The following CCDC167 variants were observed in gnomAD, a reference collection of about 807,000 sequenced individuals.
CCDC167 encodes the protein coiled-coil domain containing 167.
Under a neutral mutation model 12.7 loss-of-function variants are expected in CCDC167, and 15 were observed. The observed-to-expected ratio is 1.18, with a 90% confidence interval of 0.79 to 1.81. The LOEUF is 1.81. Ranked by LOEUF, CCDC167 falls within the 40% of genes most tolerant of loss-of-function variation. The probability of loss-of-function intolerance (pLI) is 0.00; values close to 1 mark genes in which losing one functional copy is unlikely to be tolerated. For synonymous variants in CCDC167, 52 were observed against 49.0 expected (o/e 1.06, Z -0.26); for missense variants, 121 against 120.1 (o/e 1.01, Z -0.03).
intron 1 of CCDC167, among the ~76,000 whole-genome samples, chr6:37,487,528 G>C (rs1378696990): frequency 6.6e-6 from 1 of 152,248 alleles, no homozygotes; most frequent in Non-Finnish European, 1.5e-5. Flanking sequence ...CCCAGTGCAA[G>C]TCTTAGTCCT....
At chr6:37,494,504 G>A (rs978507263) in intron 1 of CCDC167, among the ~76,000 whole-genome samples, 1 of 152,172 alleles carries the variant, frequency 6.6e-6, no homozygotes, top group Admixed American at 6.5e-5. Context: ...CTCTACTCCA[G>A]AAGGTGGAAA....
intron 3 of CCDC167, 84 bp from the exon 4 acceptor site, chr6:37,483,373 A>G (rs553579160): frequency 2.2e-6 from 2 of 894,688 alleles, no homozygotes; most frequent in East Asian, 4.9e-5. Context: ...GTGGGTACAC[A>G]CTGCTGAGGG....
chr6:37,484,509 G>A (rs1048820186), intron 3 of CCDC167, among the ~76,000 whole-genome samples: 4 of 152,034 alleles, frequency 2.6e-5, no homozygotes, highest in African/African-American at 9.7e-5. Flanking sequence ...GGGGCGTGGG[G>A]AGAGCAGACT....
chr6:37,497,746 A>G (rs926971973), intron 1 of CCDC167, among the ~76,000 whole-genome samples: 1 of 152,008 alleles, frequency 6.6e-6, no homozygotes, highest in Non-Finnish European at 1.5e-5. Context: ...GCTACTAGAG[A>G]GGCTGTGTCG....
At chr6:37,495,592 GA>G (rs1762088219) in intron 1 of CCDC167, among the ~76,000 whole-genome samples, 1 of 152,174 alleles carries the variant, frequency 6.6e-6, no homozygotes, top group Non-Finnish European at 1.5e-5. Flanking sequence ...GGTGGCAAAT[GA>G]ATTGGATAAA....
At chr6:37,484,070 A>G (rs992521138) in intron 3 of CCDC167, among the ~76,000 whole-genome samples, 6 of 152,236 alleles carry the variant, frequency 3.9e-5, no homozygotes, top group Non-Finnish European at 7.3e-5. Flanking sequence ...GACTGAGTCC[A>G]GGGCCCAGGG....
At chr6:37,486,468 C>T (rs749507938) in intron 1 of CCDC167, among the ~76,000 whole-genome samples, 22 of 152,170 alleles carry the variant, frequency 1.4e-4, no homozygotes, top group Non-Finnish European at 2.4e-4. Context: ...GTCTCTGGGC[C>T]TTCTGTCTCT....
chr6:37,488,883 G>C (rs1161203512), intron 1 of CCDC167, among the ~76,000 whole-genome samples: 2 of 152,240 alleles, frequency 1.3e-5, no homozygotes, highest in Non-Finnish European at 2.9e-5. Flanking sequence ...GTTTGCACTA[G>C]ATCTTTGGAG....
chr6:37,485,279 C>G, intron 1 of CCDC167, 85 bp from the exon 2 acceptor site: 1 of 1,020,290 alleles, frequency 9.8e-7, no homozygotes. Flanking sequence ...CTCCGGGAGT[C>G]TTCTTGGACA....
chr6:37,495,416 C>A (rs150245250), intron 1 of CCDC167, among the ~76,000 whole-genome samples: 13 of 152,340 alleles, frequency 8.5e-5, no homozygotes, highest in Admixed American at 2.6e-4. Context: ...AGTCAAAATT[C>A]TCCTATCAGT....
At chr6:37,496,816 T>G (rs1222259664) in intron 1 of CCDC167, among the ~76,000 whole-genome samples, 1 of 152,226 alleles carries the variant, frequency 6.6e-6, no homozygotes, top group Non-Finnish European at 1.5e-5. Context: ...GCTGGCTATG[T>G]GGCCTCCTGA....
chr6:37,485,489 G>T (rs1046893502), intron 1 of CCDC167, among the ~76,000 whole-genome samples: 3 of 152,256 alleles, frequency 2.0e-5, no homozygotes, highest in African/African-American at 4.8e-5. Context: ...GCACAGGTTG[G>T]GGGTGGAGAG....
Position 37,485,100 on chromosome 6 carries a change from C to A in CCDC167, c.137G>T (p.Arg46Met), listed in dbSNP as rs1561797375. 6.2e-7 allele frequency: 1 copy of A among 1,611,464 alleles called. No homozygotes were observed. Among genetic ancestry groups the A allele is most frequent in the East Asian group, 2.2e-5 (1 of 44,876 alleles). The change falls in exon 2 of 4, where the codon AGG (arginine) becomes ATG (methionine). Residue 46 changes from arginine (R) to methionine (M), a missense_variant and splice_region_variant. Physicochemically the swap from Arg to Met is moderately conservative, Grantham distance 91. Transcript: ENST00000373408. Reference protein sequence around the residue: ...LHSRELSPEARRSLEKEKNSL... With the variant: ...LHSRELSPEAMRSLEKEKNSL... ...TGGGGTGGCTGGGCAGGAGCATTACCTGGCCTCTGGGCTCAGCTCCCGGCT... is the reference window on the plus strand; with the variant it reads ...TGGGGTGGCTGGGCAGGAGCATTACATGGCCTCTGGGCTCAGCTCCCGGCT...
intron 1 of CCDC167, among the ~76,000 whole-genome samples, chr6:37,494,804 A>ATTTTTTTTT (rs1561799989): frequency 1.6e-4 from 7 of 44,930 alleles, no homozygotes; most frequent in African/African-American, 1.2e-3. Context: ...CCTACCTACA[A>ATTTTTTTTT]ATTTTTTTTT....
intron 1 of CCDC167, among the ~76,000 whole-genome samples, chr6:37,488,267 A>G (rs1761972089): frequency 6.6e-6 from 1 of 152,200 alleles, no homozygotes; most frequent in Non-Finnish European, 1.5e-5. Flanking sequence ...TGGGGTCAGG[A>G]GTGGTGGCTA....
intron 1 of CCDC167, among the ~76,000 whole-genome samples, chr6:37,485,688 C>T (rs930092528): frequency 2.0e-5 from 3 of 152,222 alleles, no homozygotes; most frequent in East Asian, 1.9e-4. Flanking sequence ...CATCTAGGGG[C>T]AACACAGAGG....
At chr6:37,490,320 G>A (rs1561798790) in intron 1 of CCDC167, among the ~76,000 whole-genome samples, 1 of 152,222 alleles carries the variant, frequency 6.6e-6, no homozygotes, top group African/African-American at 2.4e-5. Context: ...ACTGCCTGGG[G>A]GGATGGCTGG....
At chr6:37,491,631 C>G (rs912262855) in intron 1 of CCDC167, among the ~76,000 whole-genome samples, 3 of 152,186 alleles carry the variant, frequency 2.0e-5, no homozygotes, top group African/African-American at 7.2e-5. Flanking sequence ...AGCCAAGTCA[C>G]AGAGTCTCCA....
intron 1 of CCDC167, among the ~76,000 whole-genome samples, chr6:37,497,737 C>A (rs1286527596): frequency 6.6e-6 from 1 of 151,922 alleles, no homozygotes; most frequent in Non-Finnish European, 1.5e-5. Flanking sequence ...CTAATCCTGG[C>A]TACTAGAGAG....
Sources: gnomAD v4.1 joint callset for allele counts (sites outside exome capture counted in the v4.1 genomes callset) on GRCh38, gnomAD v4.1.1 for gene constraint, MANE v1.5 for transcripts, NCBI Gene and HGNC (gene_info 2026-07-23, HGNC 2026-07-21) for gene names.